The following SACM1L variants were observed in gnomAD, a reference collection of about 807,000 sequenced individuals.
SACM1L encodes SAC1 like phosphatidylinositide phosphatase, also known as phosphatidylinositol-3-phosphatase SAC1.
A neutral mutation model predicts 89.5 loss-of-function variants in SACM1L; 32 were observed. That is an observed-to-expected ratio of 0.36 (90% confidence interval 0.27 to 0.48). The LOEUF (loss-of-function observed/expected upper bound fraction) is 0.48, where lower values mean the gene tolerates loss of function less well. Ranked by LOEUF, SACM1L falls within the 20% of genes least tolerant of loss-of-function variation. The probability of loss-of-function intolerance (pLI) is 0.99; values close to 1 mark genes in which losing one functional copy is unlikely to be tolerated. For missense variants in SACM1L, 543 were observed against 708.5 expected (o/e 0.77, Z 2.65); for synonymous variants, 213 against 232.8 (o/e 0.92, Z 0.77).
chr3:45,705,312 C>A, intron 3 of SACM1L, 103 bp downstream of exon 3: 1 of 599,494 alleles, frequency 1.7e-6, no homozygotes, highest in Non-Finnish European at 2.9e-6. Flanking sequence ...TTGTATCATG[C>A]TTTAAGCAGT....
intron 1 of SACM1L, among the ~76,000 whole-genome samples, chr3:45,692,766 A>G (rs17328701): frequency 0.48 from 73,356 of 152,106 alleles, 18,227 homozygotes; most frequent in Middle Eastern, 0.57. Context: ...AAATGTTTAC[A>G]TGATTTATGT....
intron 11 of SACM1L, among the ~76,000 whole-genome samples, chr3:45,724,333 G>GTGTGTT (rs1698864762): frequency 6.6e-6 from 1 of 151,338 alleles, no homozygotes; most frequent in African/African-American, 2.4e-5. Flanking sequence ...GTGTGTGTGT[G>GTGTGTT]TTTAATGATA....
chr3:45,690,166 C>T (rs1308642847), intron 1 of SACM1L: 2 of 152,260 alleles, frequency 1.3e-5, no homozygotes, highest in African/African-American at 2.4e-5. Flanking sequence ...GTTCTTGAGT[C>T]TTTGATACAG....
rs1026829141 is a variant in SACM1L at position 45,744,759 on chromosome 3, T to G, written c.*1090T>G. ...ATGCTTCGGAAACTGTGCATAGTTC[T>G]AATTGTAAGTCAGATTGTATATTCA... On this transcript the variant is annotated 3_prime_UTR_variant, in exon 20 of 20. Transcript: ENST00000389061. 2 of 152,694 alleles carry G rather than the reference T, an allele frequency of 1.3e-5. No individual in the cohort carries two copies. The highest frequency in any genetic ancestry group is 4.8e-5 in the African/African-American group (2 of 41,466). 9.5% of individuals were successfully genotyped at this position (152,694 alleles called of 1,614,324 possible). A position where few individuals can be genotyped will look rare whatever the true frequency, so the allele number is the denominator to read the frequency against.
chr3:45,737,508 G>A lies in SACM1L; in HGVS notation c.1240-75G>A, dbSNP rs1373848836. On this transcript the variant is annotated intron_variant, in intron 14 of 19. Coordinates refer to ENST00000389061, the MANE Select transcript of SACM1L (RefSeq NM_014016.5). ...CCAGGCACCATGAGATAAAATTTGG[G>A]GACTGCTTTTTCTTCCTAAACCATG... The A allele has an allele frequency of 2.9e-6, 4 of 1,402,044 alleles. No homozygotes were observed. The African/African-American group carries it at 4.4e-5, about 15-fold the overall frequency. The allele number at this position is 1,402,044 out of a possible 1,614,324, so 86.9% of individuals were successfully genotyped here.
intron 11 of SACM1L, among the ~76,000 whole-genome samples, chr3:45,726,289 G>T (rs1698915450): frequency 6.6e-6 from 1 of 151,590 alleles, no homozygotes. Flanking sequence ...CTAAATTTTG[G>T]TACAATTCAC....
chr3:45,715,835 T>C (rs1698643653), intron 7 of SACM1L, among the ~76,000 whole-genome samples: 1 of 151,614 alleles, frequency 6.6e-6, no homozygotes, highest in Admixed American at 6.6e-5. Context: ...CCAACTATGG[T>C]GTTTTTTGTT....
chr3:45,704,872 T>G (rs938363), intron 2 of SACM1L, among the ~76,000 whole-genome samples: 72,980 of 151,598 alleles, frequency 0.48, 18,038 homozygotes, highest in Middle Eastern at 0.57. Flanking sequence ...GCAGACTATG[T>G]TATTCCTAAT....
chr3:45,707,754 G>T (rs1319297561), intron 4 of SACM1L, among the ~76,000 whole-genome samples: 1 of 152,164 alleles, frequency 6.6e-6, no homozygotes, highest in African/African-American at 2.4e-5. Context: ...TCCCAACATT[G>T]AAAGTGCAAA....
intron 1 of SACM1L, among the ~76,000 whole-genome samples, chr3:45,698,501 C>T (rs905385567): frequency 5.9e-5 from 9 of 152,132 alleles, no homozygotes; most frequent in Non-Finnish European, 8.8e-5. Context: ...GACTTTTGAG[C>T]GAGACATCTC....
chr3:45,735,189 A>G (rs745620503), intron 13 of SACM1L, 46 bp from the exon 14 acceptor site: 3 of 1,558,884 alleles, frequency 1.9e-6, no homozygotes, highest in South Asian at 2.4e-5. Flanking sequence ...TCCTTAGTAA[A>G]TCTGACCTAC....
At position 45,743,896 on chromosome 3, in the gene SACM1L, T is replaced by G; in HGVS notation, c.*227T>G. ...TTATAATTTGAAGCTATTCTGTAAT[T>G]AAAATATAACCTGAATTCAGCTTGC... On this transcript the variant is annotated 3_prime_UTR_variant, in exon 20 of 20. Transcript: ENST00000389061. 2.6e-6 allele frequency: 1 copy of G among 378,522 alleles called. No homozygotes were observed. The highest frequency in any genetic ancestry group is 4.7e-6 in the Non-Finnish European group (1 of 214,932). 23.4% of individuals were successfully genotyped at this position (378,522 alleles called of 1,614,324 possible).
At chr3:45,743,467 C>T in intron 19 of SACM1L, 66 bp from the exon 20 acceptor site, 2 of 1,487,384 alleles carry the variant, frequency 1.3e-6, no homozygotes, top group Non-Finnish European at 1.8e-6. Context: ...ATGTGCTAAA[C>T]AGCTGAAAAC....
rs761117414 is a variant in SACM1L at position 45,737,656 on chromosome 3, G to A, written c.1309+4G>A. The A allele has an allele frequency of 3.8e-6, 6 of 1,589,650 alleles. No individual in the cohort carries two copies. The African/African-American group carries it at 4.1e-5, about 11-fold the overall frequency. On this transcript the variant is annotated splice_donor_region_variant and intron_variant, in intron 15 of 19. Coordinates refer to ENST00000389061, the MANE Select transcript of SACM1L (RefSeq NM_014016.5). ...TTTGAGAAGATTTACAAAAATGGTA[G>A]GTCATTTCTTTAATATAGACAAAGT...
chr3:45,725,708 G>C (rs1472093129), intron 11 of SACM1L, among the ~76,000 whole-genome samples: 2 of 150,466 alleles, frequency 1.3e-5, no homozygotes, highest in Admixed American at 6.6e-5. Flanking sequence ...TGCCTAATTG[G>C]TGTTGCTAGA....
intron 7 of SACM1L, 95 bp from the exon 8 acceptor site, chr3:45,719,400 TTTCTC>T: frequency 1.6e-6 from 1 of 612,144 alleles, no homozygotes; most frequent in Admixed American, 3.5e-5. Flanking sequence ...CTTGTCATTT[TTTCTC>T]TTAAAGACCA....
intron 1 of SACM1L, 120 bp downstream of exon 1, chr3:45,689,617 TA>T: frequency 8.1e-7 from 1 of 1,241,092 alleles, no homozygotes; most frequent in South Asian, 1.3e-5. Flanking sequence ...TCCTCGCATT[TA>T]CCGGTTTTCC....
intron 1 of SACM1L, among the ~76,000 whole-genome samples, chr3:45,691,829 C>G (rs1697999137): frequency 6.6e-6 from 1 of 152,160 alleles, no homozygotes; most frequent in South Asian, 2.1e-4. Flanking sequence ...CATGCTTTTT[C>G]TCCAGCCCAT....
intron 1 of SACM1L, among the ~76,000 whole-genome samples, chr3:45,691,661 C>T (rs1455518617): frequency 6.6e-6 from 1 of 151,588 alleles, no homozygotes; most frequent in African/African-American, 2.4e-5. Context: ...GTTGCCCAGG[C>T]TGGAGTACAG....
Sources: gnomAD v4.1 joint callset for allele counts (sites outside exome capture counted in the v4.1 genomes callset) on GRCh38, gnomAD v4.1.1 for gene constraint, MANE v1.5 for transcripts, NCBI Gene and HGNC (gene_info 2026-07-23, HGNC 2026-07-21) for gene names.